ARHGAP26: variants seen among roughly 807,000 people sequenced by gnomAD.
The protein encoded by ARHGAP26 is Rho GTPase activating protein 26.
ARHGAP26 carries 38 observed loss-of-function variants against 104.8 expected under a neutral mutation model. That is an observed-to-expected ratio of 0.36 (90% confidence interval 0.28 to 0.48). The LOEUF (loss-of-function observed/expected upper bound fraction) is 0.48, where lower values mean the gene tolerates loss of function less well. ARHGAP26 is among the 20% of genes least tolerant of loss of function. ARHGAP26 has a pLI of 0.99. For missense variants in ARHGAP26, 704 were observed against 947.9 expected (o/e 0.74, Z 3.38); for synonymous variants, 341 against 340.0 (o/e 1.00, Z -0.03).
intron 1 of ARHGAP26, among the ~76,000 whole-genome samples, chr5:142,816,091 T>C (rs2436378): frequency 0.27 from 40,531 of 151,982 alleles, 8,211 homozygotes; most frequent in African/African-American, 0.55. Flanking sequence ...AACCATGGTG[T>C]CCAGCCCCTC....
At chr5:142,982,819 G>T (rs956101630) in intron 11 of ARHGAP26, among the ~76,000 whole-genome samples, 4 of 152,184 alleles carry the variant, frequency 2.6e-5, no homozygotes, top group Non-Finnish European at 5.9e-5. Context: ...AGAAATTGAT[G>T]TGAGGCCCTG....
At chr5:143,206,738 C>T (rs1017268614) in intron 20 of ARHGAP26, among the ~76,000 whole-genome samples, 4 of 152,202 alleles carry the variant, frequency 2.6e-5, no homozygotes, top group African/African-American at 7.2e-5. Flanking sequence ...ATTATTTTCT[C>T]ACCGAATGGC....
intron 10 of ARHGAP26, among the ~76,000 whole-genome samples, chr5:142,922,992 A>T (rs3797080): frequency 6.6e-6 from 1 of 152,154 alleles, no homozygotes; most frequent in Non-Finnish European, 1.5e-5. Flanking sequence ...AGACGATACC[A>T]TAGTTTCTGA....
At chr5:143,174,707 T>G (rs1381775796) in intron 20 of ARHGAP26, among the ~76,000 whole-genome samples, 3 of 152,240 alleles carry the variant, frequency 2.0e-5, no homozygotes, top group Non-Finnish European at 4.4e-5. Context: ...GGTTGTGAAT[T>G]AGCCGTCATA....
At chr5:143,214,904 A>T (rs979562558) in intron 22 of ARHGAP26, among the ~76,000 whole-genome samples, 1 of 152,184 alleles carries the variant, frequency 6.6e-6, no homozygotes, top group Non-Finnish European at 1.5e-5. Context: ...CACTGTCCTT[A>T]AGCCTTTGCT....
Position 142,874,869 on chromosome 5 carries a change from G to C in ARHGAP26, c.251-241G>C. On this transcript the variant is annotated intron_variant, in intron 2 of 22. Transcript: ENST00000645722. ...CAGTCCTGGATACTCTCAGGAACAGGCAGATCTTTTCCTTGAAGAAATCAT... is the reference window on the plus strand; with the variant it reads ...CAGTCCTGGATACTCTCAGGAACAGCCAGATCTTTTCCTTGAAGAAATCAT... 3 of 499,072 alleles carry C rather than the reference G, an allele frequency of 6.0e-6. No homozygotes were observed. The Admixed American group carries it at 9.9e-5, about 16-fold the overall frequency. 30.9% of individuals were successfully genotyped at this position (499,072 alleles called of 1,614,324 possible).
At position 142,771,664 on chromosome 5, in the gene ARHGAP26, T is replaced by G. The variant is rs548620818; in HGVS notation, c.154+749T>G. Among the ~76,000 whole-genome samples the G allele has an allele frequency of 2.4e-4, 37 of 152,308 alleles. No individual in the cohort carries two copies. In the South Asian group the frequency reaches 7.5e-3, roughly 31 times the overall value. On this transcript the variant is annotated intron_variant, in intron 1 of 22. Transcript: ENST00000645722. ...CCCTCTCCTGCTCCCAAGCTCTCCTTTTTACCTCTTCCGTTATCCTTGTAA... is the reference window on the plus strand; with the variant it reads ...CCCTCTCCTGCTCCCAAGCTCTCCTGTTTACCTCTTCCGTTATCCTTGTAA...
intron 1 of ARHGAP26, among the ~76,000 whole-genome samples, chr5:142,793,504 A>G (rs1455396847): frequency 1.3e-5 from 2 of 152,100 alleles, no homozygotes; most frequent in South Asian, 2.1e-4. Context: ...CAGTATGGAC[A>G]TGGAGTATTG....
chr5:142,990,093 A>G (rs929154196), intron 11 of ARHGAP26, among the ~76,000 whole-genome samples: 1 of 152,132 alleles, frequency 6.6e-6, no homozygotes, highest in Non-Finnish European at 1.5e-5. Context: ...AGGTACACCA[A>G]TCAGATGTAG....
In ARHGAP26 at chr5:143,214,017, A is replaced by G. The variant is rs567856399; in HGVS notation, c.2120A>G (p.Lys707Arg). 4.2e-5 allele frequency: 67 copies of G among 1,586,976 alleles called. No individual in the cohort carries two copies. In the South Asian group the frequency reaches 7.2e-4, roughly 17 times the overall value. Residue 707 changes from lysine (K) to arginine (R), a missense_variant, in exon 22 of 23, where the codon AAA becomes AGA. Physicochemically the swap from Lys to Arg is conservative, Grantham distance 26 (BLOSUM62 2). Coordinates refer to ENST00000645722, the MANE Select transcript of ARHGAP26 (RefSeq NM_001135608.3). The stretch of plus-strand genomic sequence containing the variant: ...CACAGCACACCGTTCCGGAAGGCAA[A>G]AGCCTTGTATGCCTGCAAAGCTGAA... ...SPVSTPFRKA[K>R]ALYACKAEHD... is the part of the protein sequence containing the mutation.
chr5:143,004,998 A>C (rs1777732244), intron 11 of ARHGAP26, among the ~76,000 whole-genome samples: 1 of 152,202 alleles, frequency 6.6e-6, no homozygotes, highest in Non-Finnish European at 1.5e-5. Flanking sequence ...GGATGACAGC[A>C]CAGTTTCTCG....
chr5:143,006,212 T>G (rs1016966374), intron 11 of ARHGAP26, among the ~76,000 whole-genome samples: 1 of 152,120 alleles, frequency 6.6e-6, no homozygotes, highest in African/African-American at 2.4e-5. Flanking sequence ...TGCCAGGTGT[T>G]GGGGAGAACA....
intron 17 of ARHGAP26, among the ~76,000 whole-genome samples, chr5:143,096,559 CA>C: frequency 6.6e-6 from 1 of 152,286 alleles, no homozygotes; most frequent in South Asian, 2.1e-4. Context: ...TCCCTCAAGT[CA>C]ACTTCAGTAT....
intron 1 of ARHGAP26, among the ~76,000 whole-genome samples, chr5:142,845,624 G>C (rs1224777560): frequency 6.6e-6 from 1 of 152,128 alleles, no homozygotes; most frequent in African/African-American, 2.4e-5. Context: ...AAAGGAAGAG[G>C]CTTCTGTGTG....
intron 17 of ARHGAP26, among the ~76,000 whole-genome samples, chr5:143,100,625 G>C (rs1459395705): frequency 6.6e-6 from 1 of 152,194 alleles, no homozygotes; most frequent in Non-Finnish European, 1.5e-5. Flanking sequence ...CCAGTTTTAG[G>C]TTTTGGACAT....
In ARHGAP26 at chr5:143,224,909, C is replaced by T. The variant is rs927117040; in HGVS notation, c.*2463C>T. On this transcript the variant is annotated 3_prime_UTR_variant, in exon 23 of 23. Coordinates refer to ENST00000645722, the MANE Select transcript of ARHGAP26 (RefSeq NM_001135608.3). ...TCAGTTTATCAGCTCAAGGATTATA[C>T]AGCTCTTTTCCGGGAACTCACCCAG... The T allele has an allele frequency of 3.6e-5, 8 of 225,140 alleles. No homozygotes were observed. The East Asian group carries it at 4.5e-4, about 13-fold the overall frequency. 13.9% of individuals were successfully genotyped at this position (225,140 alleles called of 1,614,324 possible). A position where few individuals can be genotyped will look rare whatever the true frequency, so the allele number is the denominator to read the frequency against.
intron 11 of ARHGAP26, among the ~76,000 whole-genome samples, chr5:142,936,147 C>A (rs1390134730): frequency 8.3e-6 from 1 of 120,382 alleles, no homozygotes; most frequent in African/African-American, 4.1e-5. Flanking sequence ...ACACACACAC[C>A]CCTTCTATAA....
intron 11 of ARHGAP26, among the ~76,000 whole-genome samples, chr5:142,939,836 G>A (rs1467144449): frequency 3.3e-5 from 5 of 152,200 alleles, no homozygotes; most frequent in African/African-American, 7.2e-5. Flanking sequence ...CAACCTATAT[G>A]TAAATGCCTG....
intron 20 of ARHGAP26, chr5:143,203,575 T>C (rs951340674): frequency 3.9e-5 from 6 of 152,340 alleles, no homozygotes; most frequent in African/African-American, 1.2e-4. Context: ...CTACTGTGTA[T>C]ACACCCAAAG....
Sources: gnomAD v4.1 joint callset for allele counts (sites outside exome capture counted in the v4.1 genomes callset) on GRCh38, gnomAD v4.1.1 for gene constraint, MANE v1.5 for transcripts, NCBI Gene and HGNC (gene_info 2026-07-23, HGNC 2026-07-21) for gene names.